HS6ST3: variants seen among roughly 807,000 people sequenced by gnomAD.
The protein encoded by HS6ST3 is heparan sulfate 6-O-sulfotransferase 3.
Under a neutral mutation model 36.7 loss-of-function variants are expected in HS6ST3, and 12 were observed. The observed-to-expected ratio is 0.33, with a 90% confidence interval of 0.21 to 0.53. The LOEUF (loss-of-function observed/expected upper bound fraction) is 0.53, where lower values mean the gene tolerates loss of function less well. HS6ST3 is among the 20% of genes least tolerant of loss of function. The pLI, the probability that HS6ST3 is intolerant of heterozygous loss-of-function variation, is 0.95. For synonymous variants in HS6ST3, 240 were observed against 257.5 expected (o/e 0.93, Z 0.65); for missense variants, 584 against 640.9 (o/e 0.91, Z 0.96).
intron 1 of HS6ST3, among the ~76,000 whole-genome samples, chr13:96,654,766 C>A (rs896430097): frequency 6.6e-6 from 1 of 152,076 alleles, no homozygotes; most frequent in Admixed American, 6.6e-5. Context: ...CTTGTAAAAA[C>A]TAAATATCCT....
At chr13:96,382,906 A>G (rs1594767897) in intron 1 of HS6ST3, among the ~76,000 whole-genome samples, 4 of 152,352 alleles carry the variant, frequency 2.6e-5, no homozygotes. Context: ...AATAGCAGTG[A>G]ATACTTATAT....
chr13:96,206,879 C>CCACCTTCTTGGGTCTTTCAGTCCTGATGG (rs2054373108), intron 1 of HS6ST3, among the ~76,000 whole-genome samples: 1 of 152,038 alleles, frequency 6.6e-6, no homozygotes, highest in African/African-American at 2.4e-5. Context: ...TAGGAAACAC[C>CCACCTTCTTGGGTCTTTCAGTCCTGATGG]ATTCAGGACA....
chr13:96,718,452 A>G (rs535553970), intron 1 of HS6ST3, among the ~76,000 whole-genome samples: 1 of 152,286 alleles, frequency 6.6e-6, no homozygotes, highest in East Asian at 1.9e-4. Context: ...ATGAATCAAG[A>G]TATTTTTTCT....
intron 1 of HS6ST3, among the ~76,000 whole-genome samples, chr13:96,373,648 T>G (rs2055300936): frequency 6.6e-6 from 1 of 152,180 alleles, no homozygotes; most frequent in Non-Finnish European, 1.5e-5. Flanking sequence ...TTAACAAATA[T>G]GTGATTTAAG....
intron 1 of HS6ST3, among the ~76,000 whole-genome samples, chr13:96,446,566 C>T (rs1594782194): frequency 1.3e-5 from 2 of 152,268 alleles, no homozygotes; most frequent in East Asian, 3.9e-4. Flanking sequence ...GTTCAGCACT[C>T]CCGACAACCT....
At chr13:96,120,955 C>T (rs1236448149) in intron 1 of HS6ST3, among the ~76,000 whole-genome samples, 2 of 152,108 alleles carry the variant, frequency 1.3e-5, no homozygotes, top group South Asian at 2.1e-4. Flanking sequence ...ATGAATATAG[C>T]GGGTTCTGAA....
intron 1 of HS6ST3, among the ~76,000 whole-genome samples, chr13:96,683,791 A>G (rs1207542361): frequency 6.6e-6 from 1 of 152,124 alleles, no homozygotes; most frequent in East Asian, 1.9e-4. Context: ...AATAGAAGAC[A>G]ATTATTTCTA....
chr13:96,492,651 C>T (rs561398035), intron 1 of HS6ST3, among the ~76,000 whole-genome samples: 27 of 152,288 alleles, frequency 1.8e-4, no homozygotes, highest in African/African-American at 6.0e-4. Flanking sequence ...GACCCTAATA[C>T]ATATTTGAGG....
chr13:96,258,861 T>C (rs995857020), intron 1 of HS6ST3, among the ~76,000 whole-genome samples: 2 of 152,132 alleles, frequency 1.3e-5, no homozygotes, highest in Non-Finnish European at 2.9e-5. Flanking sequence ...CTCTTCCCTA[T>C]AGGTGGTTAT....
intron 1 of HS6ST3, among the ~76,000 whole-genome samples, chr13:96,698,446 T>A (rs1408265705): frequency 6.6e-6 from 1 of 152,118 alleles, no homozygotes; most frequent in Non-Finnish European, 1.5e-5. Flanking sequence ...AGTCTATCAT[T>A]GTTGGACATT....
intron 1 of HS6ST3, among the ~76,000 whole-genome samples, chr13:96,442,753 A>G (rs1027513376): frequency 2.0e-5 from 3 of 149,192 alleles, no homozygotes; most frequent in African/African-American, 7.5e-5. Context: ...AATGAGTTCA[A>G]TATGATAAAA....
chr13:96,443,017 T>G (rs1192281989), intron 1 of HS6ST3, among the ~76,000 whole-genome samples: 1 of 151,922 alleles, frequency 6.6e-6, no homozygotes, highest in Non-Finnish European at 1.5e-5. Flanking sequence ...AAATGGATAA[T>G]TCTCCCAACA....
intron 1 of HS6ST3, among the ~76,000 whole-genome samples, chr13:96,729,935 G>A (rs1156250498): frequency 6.6e-6 from 1 of 152,074 alleles, no homozygotes; most frequent in South Asian, 2.1e-4. Flanking sequence ...GGATTTTATT[G>A]TTTTACTGAC....
intron 1 of HS6ST3, among the ~76,000 whole-genome samples, chr13:96,155,658 T>C (rs73546957): frequency 2.8e-4 from 42 of 152,312 alleles, no homozygotes; most frequent in African/African-American, 9.6e-4. Flanking sequence ...AGAAAACATA[T>C]TTCAGTATAT....
At chr13:96,534,965 C>G (rs755988183) in intron 1 of HS6ST3, among the ~76,000 whole-genome samples, 1 of 151,736 alleles carries the variant, frequency 6.6e-6, no homozygotes, top group Non-Finnish European at 1.5e-5. Flanking sequence ...GTCTGAAAAA[C>G]AAACAAACAA....
At chr13:96,530,196 A>G (rs2056130261) in intron 1 of HS6ST3, among the ~76,000 whole-genome samples, 1 of 152,158 alleles carries the variant, frequency 6.6e-6, no homozygotes, top group African/African-American at 2.4e-5. Flanking sequence ...TGTTTTGCAA[A>G]TGAAGTTTGG....
intron 1 of HS6ST3, among the ~76,000 whole-genome samples, chr13:96,494,541 A>AT (rs2055964638): frequency 6.6e-6 from 1 of 151,116 alleles, no homozygotes; most frequent in Non-Finnish European, 1.5e-5. Flanking sequence ...TTAAAGTATA[A>AT]TTAAAAAAAA....
intron 1 of HS6ST3, among the ~76,000 whole-genome samples, chr13:96,814,286 A>C (rs1474284874): frequency 6.6e-6 from 1 of 152,168 alleles, no homozygotes; most frequent in Admixed American, 6.5e-5. Context: ...TTATACACTT[A>C]ATTGATAATT....
intron 1 of HS6ST3, among the ~76,000 whole-genome samples, chr13:96,648,493 T>A (rs552378340): frequency 0.057 from 8,614 of 151,978 alleles, 271 homozygotes; most frequent in Middle Eastern, 0.088. Flanking sequence ...CTTTTTTTTT[T>A]TTTTATTTTA....
Sources: allele counts gnomAD v4.1 joint callset (sites outside exome capture counted in the v4.1 genomes callset), GRCh38; gene constraint gnomAD v4.1.1; transcripts MANE v1.5; gene names NCBI Gene and HGNC (gene_info 2026-07-23, HGNC 2026-07-21).